Variants in PSMC2 observed in about 807,000 individuals in gnomAD.
PSMC2 encodes 26S proteasome regulatory subunit 7.
In PSMC2, 7 loss-of-function variants were observed where a neutral mutation model predicts 53.3. The ratio of observed to expected loss-of-function variants is 0.13; its 90% CI spans 0.07 to 0.25. PSMC2 has a LOEUF of 0.25. Among genes scored for constraint, PSMC2 ranks in the 10% least tolerant of loss-of-function variants. The pLI is 1.00. For missense variants in PSMC2, 241 were observed against 544.0 expected (o/e 0.44, Z 5.54); for synonymous variants, 169 against 183.9 (o/e 0.92, Z 0.66).
chr7:103,359,049 T>G (rs2116193272), intron 4 of PSMC2, among the ~76,000 whole-genome samples: 1 of 149,548 alleles, frequency 6.7e-6, no homozygotes, highest in East Asian at 2.0e-4. Context: ...AGTAACATGA[T>G]CTCAGCTCGC....
rs1005396979 is a variant in PSMC2 at position 103,368,950 on chromosome 7, G to C, written c.*896G>C. 5 of 152,050 alleles carry C rather than the reference G, an allele frequency of 3.3e-5. No individual in the cohort carries two copies. The highest frequency in any genetic ancestry group is 5.9e-5 in the Non-Finnish European group (4 of 68,004). 9.4% of individuals were successfully genotyped at this position (152,050 alleles called of 1,614,324 possible). A position where few individuals can be genotyped will look rare whatever the true frequency, so the allele number is the denominator to read the frequency against. ...CAACATCTCTTTAAAATTACCTCCT[G>C]TGTAACCACCACCAAATCCTATCTT... On this transcript the variant is annotated 3_prime_UTR_variant, in exon 12 of 12. Coordinates refer to ENST00000292644, the MANE Select transcript of PSMC2 (RefSeq NM_002803.4).
intron 4 of PSMC2, among the ~76,000 whole-genome samples, chr7:103,361,263 C>T (rs914827708): frequency 6.6e-6 from 1 of 151,364 alleles, no homozygotes; most frequent in Admixed American, 6.6e-5. Context: ...GCGGGCGGAT[C>T]ACCTGAGGTT....
intron 8 of PSMC2, among the ~76,000 whole-genome samples, chr7:103,365,764 C>T (rs1820684965): frequency 6.6e-6 from 1 of 152,042 alleles, no homozygotes; most frequent in Non-Finnish European, 1.5e-5. Flanking sequence ...CCCGTCTCTA[C>T]TAAAAATACA....
At position 103,347,816 on chromosome 7, in the gene PSMC2, C is replaced by T. The variant is rs201957396; in HGVS notation, c.70+35C>T. ...CATGGGCCGGAGCTCGGAGCTGGGG[C>T]GGGACTGGAGCGGAGCTGCCTTGGC... On this transcript the variant is annotated intron_variant, in intron 1 of 11. Transcript: ENST00000292644. 134 of 1,611,098 alleles carry T rather than the reference C, an allele frequency of 8.3e-5. No individual in the cohort carries two copies. In the African/African-American group the frequency reaches 1.7e-3, roughly 21 times the overall value.
intron 7 of PSMC2, among the ~76,000 whole-genome samples, chr7:103,363,670 CAG>C (rs148722067): frequency 0.063 from 9,563 of 152,082 alleles, 460 homozygotes; most frequent in East Asian, 0.28. Context: ...TTTACAGTGA[CAG>C]AGGAGGCACA....
At chr7:103,362,162 T>C in intron 5 of PSMC2, 74 bp downstream of exon 5, 4 of 1,588,298 alleles carry the variant, frequency 2.5e-6, no homozygotes, top group Non-Finnish European at 3.4e-6. Context: ...CTTGGCTTTG[T>C]AGTGAATAAA....
chr7:103,366,044 A>AT (rs1820702789), intron 8 of PSMC2, 32 bp from the exon 9 acceptor site: 2 of 1,552,288 alleles, frequency 1.3e-6, no homozygotes, highest in Non-Finnish European at 1.8e-6. Flanking sequence ...TTTGAAACCA[A>AT]TTTTGAATTA....
chr7:103,354,970 A>T (rs768512763), intron 3 of PSMC2, 21 bp downstream of exon 3: 3 of 1,480,648 alleles, frequency 2.0e-6, no homozygotes, highest in Non-Finnish European at 2.8e-6. Context: ...TTAAATTCCC[A>T]TTTCCTTCCT....
chr7:103,347,593 T>C, upstream of PSMC2: 1 of 1,173,504 alleles, frequency 8.5e-7, no homozygotes, highest in Non-Finnish European at 1.3e-6. Flanking sequence ...AAGCACTGCA[T>C]AAAGGGGTCT....
At chr7:103,353,312 T>C (rs1421729799) in intron 1 of PSMC2, among the ~76,000 whole-genome samples, 1 of 152,212 alleles carries the variant, frequency 6.6e-6, no homozygotes, top group Admixed American at 6.5e-5. Flanking sequence ...TATTTCCTTT[T>C]CTTTTTCTTT....
At chr7:103,351,239 GT>G (rs1392384326) in intron 1 of PSMC2, among the ~76,000 whole-genome samples, 3 of 152,314 alleles carry the variant, frequency 2.0e-5, no homozygotes, top group African/African-American at 7.2e-5. Context: ...GACTCAGCAT[GT>G]AGTCATACTC....
chr7:103,360,617 A>G (rs1040067650), intron 4 of PSMC2, among the ~76,000 whole-genome samples: 5 of 152,046 alleles, frequency 3.3e-5, no homozygotes, highest in East Asian at 1.9e-4. Context: ...TCCACAGGCT[A>G]TTTTTGTATT....
intron 1 of PSMC2, 91 bp from the exon 2 acceptor site, chr7:103,353,830 G>C: frequency 9.1e-7 from 1 of 1,096,316 alleles, no homozygotes; most frequent in Non-Finnish European, 1.3e-6. Flanking sequence ...AAAACAATTT[G>C]AATCGAACAG....
At chr7:103,365,404 G>T (rs905235070) in intron 8 of PSMC2, among the ~76,000 whole-genome samples, 1 of 152,120 alleles carries the variant, frequency 6.6e-6, no homozygotes, top group Non-Finnish European at 1.5e-5. Flanking sequence ...GGCAGAGGCA[G>T]GCGGATCACC....
chr7:103,363,326 T>C lies in PSMC2; in HGVS notation c.496-18T>C. 5.0e-6 allele frequency: 8 copies of C among 1,586,070 alleles called. No individual in the cohort carries two copies. Among genetic ancestry groups the C allele is most frequent in the Non-Finnish European group, 6.1e-6 (7 of 1,154,434 alleles). On this transcript the variant is annotated intron_variant, in intron 6 of 11. Coordinates refer to ENST00000292644, the MANE Select transcript of PSMC2 (RefSeq NM_002803.4). ...AAAGCCTGTGACTGTATGTTGTACA[T>C]TTCTGTCCCTCTCTTAGGTGGAAGA...
intron 8 of PSMC2, among the ~76,000 whole-genome samples, chr7:103,364,958 CATATATATATAT>C (rs59914167): frequency 2.0e-4 from 25 of 125,502 alleles, no homozygotes; most frequent in African/African-American, 5.3e-4. Context: ...TGTAGACATA[CATATATATATAT>C]ATATATATAT....
intron 4 of PSMC2, among the ~76,000 whole-genome samples, chr7:103,360,686 G>T (rs1293553252): frequency 1.3e-5 from 2 of 152,058 alleles, no homozygotes; most frequent in African/African-American, 4.8e-5. Flanking sequence ...TCTGTTTTTT[G>T]TTTTTGTTTT....
chr7:103,364,114 T>C (rs780859411), intron 7 of PSMC2, 29 bp from the exon 8 acceptor site: 1 of 1,604,948 alleles, frequency 6.2e-7, no homozygotes, highest in Non-Finnish European at 8.5e-7. Flanking sequence ...ACAGAAGTGG[T>C]AAGTGTGAAA....
In PSMC2 at chr7:103,362,330, G is replaced by T. The variant is rs368455027; in HGVS notation, c.422+242G>T. 1.0e-5 allele frequency: 14 copies of T among 1,367,708 alleles called. No homozygotes were observed. The Admixed American group carries it at 1.4e-4, about 13-fold the overall frequency. 84.7% of individuals were successfully genotyped at this position (1,367,708 alleles called of 1,614,324 possible). A position where few individuals can be genotyped will look rare whatever the true frequency, so the allele number is the denominator to read the frequency against. On this transcript the variant is annotated intron_variant, in intron 5 of 11. Coordinates refer to ENST00000292644, the MANE Select transcript of PSMC2 (RefSeq NM_002803.4). ...AATGGCTTCAAATTTCAGAGTTGAG[G>T]TTACCAGTCCATTTAAGGTAACATG...
Sources: allele counts gnomAD v4.1 joint callset (sites outside exome capture counted in the v4.1 genomes callset), GRCh38; gene constraint gnomAD v4.1.1; transcripts MANE v1.5; gene names NCBI Gene and HGNC (gene_info 2026-07-23, HGNC 2026-07-21).